The following CFAP95 variants were observed in gnomAD, a reference collection of about 807,000 sequenced individuals.
The protein encoded by CFAP95 is cilia- and flagella-associated protein 95.
the CFAP95 span, chr9:69,885,157 T>C: frequency 1.3e-5 from 2 of 152,226 alleles, no homozygotes; most frequent in African/African-American, 4.8e-5. Context: ...GACTTGTTAT[T>C]TTGGGATTCT....
At chr9:69,879,443 C>A in the CFAP95 span, among the ~76,000 whole-genome samples, 1 of 152,032 alleles carries the variant, frequency 6.6e-6, no homozygotes, top group Admixed American at 6.6e-5. Context: ...GGGTTTTATG[C>A]CTCACAGGGC....
At chr9:69,840,096 G>A in the CFAP95 span, among the ~76,000 whole-genome samples, 113 of 151,012 alleles carry the variant, frequency 7.5e-4, no homozygotes, top group African/African-American at 2.6e-3. Flanking sequence ...AAAAAAGATT[G>A]ATCATTTTTC....
the CFAP95 span, among the ~76,000 whole-genome samples, chr9:69,825,123 A>T: frequency 4.6e-5 from 7 of 152,336 alleles, no homozygotes; most frequent in Non-Finnish European, 1.0e-4. Context: ...ATGATAGATT[A>T]AATTTTTATT....
At chr9:69,894,935 G>A in the CFAP95 span, among the ~76,000 whole-genome samples, 9 of 151,230 alleles carry the variant, frequency 6.0e-5, no homozygotes, top group South Asian at 1.7e-3. Context: ...TGGTGGCAGT[G>A]AGCCTAGATT....
At chr9:69,887,861 G>A in the CFAP95 span, among the ~76,000 whole-genome samples, 1 of 152,186 alleles carries the variant, frequency 6.6e-6, no homozygotes, top group African/African-American at 2.4e-5. Flanking sequence ...AGAGGCCGTG[G>A]GAGGAACACT....
chr9:69,899,239 C>T, the CFAP95 span, among the ~76,000 whole-genome samples: 1 of 152,222 alleles, frequency 6.6e-6, no homozygotes, highest in African/African-American at 2.4e-5. Flanking sequence ...TTTCAATACA[C>T]ACTTTCTTCC....
At chr9:69,884,431 TAGG>T in the CFAP95 span, 1 of 152,262 alleles carries the variant, frequency 6.6e-6, no homozygotes. Flanking sequence ...CCAGCCAGTG[TAGG>T]AGTTTTGACC....
chr9:69,880,165 T>C, the CFAP95 span, among the ~76,000 whole-genome samples: 1 of 152,222 alleles, frequency 6.6e-6, no homozygotes, highest in Non-Finnish European at 1.5e-5. Context: ...CTTTTAGTTA[T>C]TTTAAAGTGT....
At chr9:69,891,168 G>A in the CFAP95 span, among the ~76,000 whole-genome samples, 9 of 152,198 alleles carry the variant, frequency 5.9e-5, no homozygotes, top group East Asian at 5.8e-4. Context: ...TGGACAAGGC[G>A]TCCATGTATT....
the CFAP95 span, among the ~76,000 whole-genome samples, chr9:69,830,168 C>T: frequency 7.2e-5 from 11 of 152,264 alleles, no homozygotes; most frequent in East Asian, 9.7e-4. Flanking sequence ...ATATAACTTA[C>T]ATCTTGATCC....
At chr9:69,823,832 G>C in the CFAP95 span, among the ~76,000 whole-genome samples, 1 of 152,334 alleles carries the variant, frequency 6.6e-6, no homozygotes, top group East Asian at 1.9e-4. Flanking sequence ...GTCACAAGAT[G>C]CTCAGTGGTG....
the CFAP95 span, among the ~76,000 whole-genome samples, chr9:69,904,430 A>G: frequency 6.6e-6 from 1 of 152,198 alleles, no homozygotes; most frequent in Non-Finnish European, 1.5e-5. Flanking sequence ...TTGTTTATTC[A>G]TGTAATTGAT....
the CFAP95 span, among the ~76,000 whole-genome samples, chr9:69,880,831 G>A: frequency 6.6e-6 from 1 of 152,114 alleles, no homozygotes; most frequent in Admixed American, 6.5e-5. Context: ...GTTATTGCCT[G>A]TCTTGTGGAT....
At chr9:69,850,679 C>A in the CFAP95 span, among the ~76,000 whole-genome samples, 1 of 152,206 alleles carries the variant, frequency 6.6e-6, no homozygotes, top group Admixed American at 6.5e-5. Flanking sequence ...GTATATGGAT[C>A]AAATGTTTAT....
chr9:69,841,615 T>C, the CFAP95 span, among the ~76,000 whole-genome samples: 1 of 152,156 alleles, frequency 6.6e-6, no homozygotes, highest in Non-Finnish European at 1.5e-5. Flanking sequence ...ATGGGACCTG[T>C]ATTAGTCGTT....
chr9:69,866,639 A>G, the CFAP95 span, among the ~76,000 whole-genome samples: 1 of 152,190 alleles, frequency 6.6e-6, no homozygotes, highest in Non-Finnish European at 1.5e-5. Flanking sequence ...AAGCTACTCT[A>G]TTTTGGATTA....
the CFAP95 span, among the ~76,000 whole-genome samples, chr9:69,844,783 T>C: frequency 9.0e-4 from 137 of 152,296 alleles, 1 homozygote; most frequent in South Asian, 0.028. Flanking sequence ...ACATTACCTG[T>C]AAAATGTGCC....
At chr9:69,844,668 T>C in the CFAP95 span, 27 of 1,418,128 alleles carry the variant, frequency 1.9e-5, no homozygotes, top group Middle Eastern at 1.8e-4. Context: ...GAAATCTTTG[T>C]CATAGTGAAA....
chr9:69,826,838 G>A, the CFAP95 span, among the ~76,000 whole-genome samples: 1 of 152,290 alleles, frequency 6.6e-6, no homozygotes, highest in South Asian at 2.1e-4. Context: ...AAATGAGCAG[G>A]CAGAAAGAAT....
Sources: allele counts gnomAD v4.1 joint callset (sites outside exome capture counted in the v4.1 genomes callset), GRCh38; gene constraint gnomAD v4.1.1; transcripts MANE v1.5; gene names NCBI Gene and HGNC (gene_info 2026-07-23, HGNC 2026-07-21).